Variants in TRDMT1 observed in about 807,000 individuals in gnomAD.
TRDMT1 encodes tRNA (cytosine(38)-C(5))-methyltransferase.
A neutral mutation model predicts 51.2 loss-of-function variants in TRDMT1; 49 were observed. The ratio of observed to expected loss-of-function variants is 0.96; its 90% CI spans 0.76 to 1.21. TRDMT1 has a LOEUF of 1.21. Ranked by LOEUF, TRDMT1 falls within the 50% of genes most tolerant of loss-of-function variation. The probability of loss-of-function intolerance (pLI) is 0.00; values close to 1 mark genes in which losing one functional copy is unlikely to be tolerated. For synonymous variants in TRDMT1, 187 were observed against 164.6 expected (o/e 1.14, Z -1.04); for missense variants, 534 against 462.3 (o/e 1.16, Z -1.42).
chr10:17,167,649 T>C (rs1477611690), intron 3 of TRDMT1, among the ~76,000 whole-genome samples: 1 of 152,206 alleles, frequency 6.6e-6, no homozygotes, highest in African/African-American at 2.4e-5. Flanking sequence ...TATATATAAT[T>C]TTTTAAATGA....
At chr10:17,194,226 C>A (rs1270014873) in intron 1 of TRDMT1, among the ~76,000 whole-genome samples, 2 of 152,166 alleles carry the variant, frequency 1.3e-5, no homozygotes, top group Admixed American at 6.5e-5. Flanking sequence ...CTAGGAAACA[C>A]CACTCTGGAC....
At chr10:17,193,200 C>T (rs1001923209) in intron 1 of TRDMT1, among the ~76,000 whole-genome samples, 6 of 152,118 alleles carry the variant, frequency 3.9e-5, no homozygotes, top group South Asian at 2.1e-4. Context: ...CCCGTCTCTA[C>T]TAAAAATACA....
chr10:17,157,368 G>T (rs1298483406), intron 8 of TRDMT1, 73 bp downstream of exon 8: 6 of 1,347,210 alleles, frequency 4.5e-6, no homozygotes, highest in South Asian at 3.2e-5. Flanking sequence ...GTTTTTAGAA[G>T]AACTTAAAGA....
Position 17,140,460 on chromosome 10 carries a change from T to G in TRDMT1, c.*8580A>C, listed in dbSNP as rs371107761. ...GCATACTCATATCTAAGTCAGTTAATTGGACAATTATTTATTAGGTACCCA... is the reference window on the plus strand; with the variant it reads ...GCATACTCATATCTAAGTCAGTTAAGTGGACAATTATTTATTAGGTACCCA... On this transcript the variant is annotated 3_prime_UTR_variant, in exon 11 of 11. Coordinates refer to ENST00000377799, the MANE Select transcript of TRDMT1 (RefSeq NM_004412.7). Among the ~76,000 whole-genome samples, 1 of 152,152 alleles carries G rather than the reference T, an allele frequency of 6.6e-6. No individual in the cohort carries two copies. The highest frequency in any genetic ancestry group is 1.5e-5 in the Non-Finnish European group (1 of 68,032).
chr10:17,154,849 C>A (rs754022668), intron 8 of TRDMT1, 115 bp from the exon 9 acceptor site: 64 of 825,698 alleles, frequency 7.8e-5, no homozygotes, highest in Non-Finnish European at 1.1e-4. Context: ...TCTGAAATAT[C>A]TTGAATAATG....
At chr10:17,152,049 A>T in intron 10 of TRDMT1, 1 of 1,301,968 alleles carries the variant, frequency 7.7e-7, no homozygotes, top group Non-Finnish European at 1.0e-6. Context: ...ATTCATTTTA[A>T]TTGAATAGTT....
chr10:17,147,275 A>G lies in TRDMT1; in HGVS notation c.*1765T>C. 1.0e-6 allele frequency: 1 copy of G among 985,720 alleles called. No individual in the cohort carries two copies. Among genetic ancestry groups the G allele is most frequent in the Non-Finnish European group, 1.2e-6 (1 of 829,892 alleles). 61.1% of individuals were successfully genotyped at this position (985,720 alleles called of 1,614,324 possible). ...TGTAATAGGCTCTGTCTGAACACAT[A>G]TGAAAAATGTAGATAGTGATAGTTT... On this transcript the variant is annotated 3_prime_UTR_variant, in exon 11 of 11. Transcript: ENST00000377799.
rs546267475 is a variant in TRDMT1 at position 17,180,877 on chromosome 10, G to A, written c.65-6217C>T. ...ATATTTTTCCTATTTCAGAACTCAA[G>A]GAACTTCACAATTTCTCCTTAGTGC... On this transcript the variant is annotated intron_variant, in intron 1 of 10. Coordinates refer to ENST00000377799, the MANE Select transcript of TRDMT1 (RefSeq NM_004412.7). 3.9e-5 allele frequency among the ~76,000 whole-genome samples: 6 copies of A among 152,176 alleles called. No individual in the cohort carries two copies. In the South Asian group the frequency reaches 1.2e-3, roughly 32 times the overall value.
At chr10:17,159,641 A>G (rs1322686279) in intron 6 of TRDMT1, among the ~76,000 whole-genome samples, 1 of 152,222 alleles carries the variant, frequency 6.6e-6, no homozygotes, top group Non-Finnish European at 1.5e-5. Context: ...AAAAGGCAAT[A>G]AATATGAAAT....
chr10:17,199,436 C>A (rs995515845), intron 1 of TRDMT1, among the ~76,000 whole-genome samples: 2 of 151,998 alleles, frequency 1.3e-5, no homozygotes, highest in African/African-American at 4.8e-5. Flanking sequence ...AAAGCAAAGG[C>A]CAGAACATCG....
intron 10 of TRDMT1, chr10:17,151,258 A>G (rs766229759): frequency 1.4e-5 from 14 of 966,494 alleles, no homozygotes; most frequent in Non-Finnish European, 1.7e-5. Flanking sequence ...AACTTTTAAA[A>G]AACTTAGATA....
At chr10:17,180,437 G>A (rs1843139940) in intron 1 of TRDMT1, among the ~76,000 whole-genome samples, 1 of 151,400 alleles carries the variant, frequency 6.6e-6, no homozygotes, top group Non-Finnish European at 1.5e-5. Context: ...GCTACTCAGG[G>A]CCTGAGGCAG....
At chr10:17,162,117 C>G (rs1840444030) in intron 4 of TRDMT1, 49 bp downstream of exon 4, 2 of 1,496,854 alleles carry the variant, frequency 1.3e-6, no homozygotes, top group African/African-American at 1.4e-5. Flanking sequence ...TCTTCCAGAC[C>G]TGGAGTTTCA....
intron 3 of TRDMT1, among the ~76,000 whole-genome samples, chr10:17,168,280 G>A (rs945458191): frequency 6.6e-6 from 1 of 152,038 alleles, no homozygotes; most frequent in African/African-American, 2.4e-5. Context: ...TGCAGCCTGG[G>A]TGACAGAGCA....
intron 1 of TRDMT1, among the ~76,000 whole-genome samples, chr10:17,199,595 A>G (rs1391993893): frequency 6.6e-6 from 1 of 152,212 alleles, no homozygotes; most frequent in Non-Finnish European, 1.5e-5. Context: ...AGAGTGGCAG[A>G]TAAAATTGAA....
chr10:17,140,618 T>C lies in TRDMT1; in HGVS notation c.*8422A>G, dbSNP rs568464296. 1.3e-5 allele frequency among the ~76,000 whole-genome samples: 2 copies of C among 152,232 alleles called. No individual in the cohort carries two copies. The highest frequency in any genetic ancestry group is 4.1e-4 in the South Asian group (2 of 4,820). The stretch of plus-strand genomic sequence containing the variant: ...ATCAAGATGCAAATGAGGTAGCAAC[T>C]TACAAGCTTACAATGAACAGACTCT... On this transcript the variant is annotated 3_prime_UTR_variant, in exon 11 of 11. Coordinates refer to ENST00000377799, the MANE Select transcript of TRDMT1 (RefSeq NM_004412.7).
intron 1 of TRDMT1, among the ~76,000 whole-genome samples, chr10:17,179,817 T>C (rs1176048215): frequency 6.6e-6 from 1 of 150,958 alleles, no homozygotes; most frequent in Admixed American, 6.6e-5. Context: ...AGACTAGCAT[T>C]GATGGGAAAA....
At chr10:17,153,761 A>C (rs2131386141) in intron 9 of TRDMT1, 125 bp from the exon 10 acceptor site, 1 of 946,172 alleles carries the variant, frequency 1.1e-6, no homozygotes, top group East Asian at 2.7e-5. Flanking sequence ...CAAAGTGCAC[A>C]GGGCAAAATG....
chr10:17,173,605 T>C (rs895711236), intron 2 of TRDMT1, among the ~76,000 whole-genome samples: 11 of 152,142 alleles, frequency 7.2e-5, no homozygotes, highest in Admixed American at 2.0e-4. Context: ...TAAGTCTTGA[T>C]TGTGGTGGTA....
Sources: allele counts gnomAD v4.1 joint callset (sites outside exome capture counted in the v4.1 genomes callset), GRCh38; gene constraint gnomAD v4.1.1; transcripts MANE v1.5; gene names NCBI Gene and HGNC (gene_info 2026-07-23, HGNC 2026-07-21).